The following WSCD2 variants were observed in gnomAD, a reference collection of about 807,000 sequenced individuals.
WSCD2 encodes WSC domain sialate O sulfotransferase 2, also known as sialate:O-sulfotransferase 2.
A neutral mutation model predicts 55.7 loss-of-function variants in WSCD2; 28 were observed. The ratio of observed to expected loss-of-function variants is 0.50; its 90% confidence interval spans 0.37 to 0.69. The LOEUF (loss-of-function observed/expected upper bound fraction) is 0.69. WSCD2 is among the 30% of genes least tolerant of loss of function. The pLI, the probability that WSCD2 is intolerant of heterozygous loss-of-function variation, is 0.00. For missense variants in WSCD2, 616 were observed against 762.1 expected (o/e 0.81, Z 2.26); for synonymous variants, 301 against 301.9 (o/e 1.00, Z 0.03).
At chr12:108,177,613 T>A (rs1397295760) in intron 1 of WSCD2, among the ~76,000 whole-genome samples, 1 of 152,202 alleles carries the variant, frequency 6.6e-6, no homozygotes, top group Non-Finnish European at 1.5e-5. Context: ...TTGTTCAACA[T>A]TGTTCAGCCA....
intron 4 of WSCD2, among the ~76,000 whole-genome samples, chr12:108,220,357 G>A (rs538003713): frequency 6.6e-6 from 1 of 152,206 alleles, no homozygotes; most frequent in Non-Finnish European, 1.5e-5. Flanking sequence ...TGGGTGACCT[G>A]TATCAAGCAG....
intron 1 of WSCD2, among the ~76,000 whole-genome samples, chr12:108,194,294 C>G (rs573738198): frequency 6.6e-6 from 1 of 152,208 alleles, no homozygotes; most frequent in South Asian, 2.1e-4. Context: ...TTTCTCAGAC[C>G]CACACCCGGG....
chr12:108,220,670 C>T (rs1033750585), intron 4 of WSCD2, among the ~76,000 whole-genome samples: 20 of 152,108 alleles, frequency 1.3e-4, no homozygotes, highest in Admixed American at 5.2e-4. Context: ...GCTGGGACTA[C>T]AGTTGTGTGC....
At chr12:108,135,571 C>G (rs1226754190) in intron 1 of WSCD2, among the ~76,000 whole-genome samples, 3 of 152,138 alleles carry the variant, frequency 2.0e-5, no homozygotes, top group Non-Finnish European at 2.9e-5. Flanking sequence ...ACTACCAGAG[C>G]AATGCAGAGA....
chr12:108,243,734 C>T (rs151286404), intron 8 of WSCD2, among the ~76,000 whole-genome samples: 1 of 152,294 alleles, frequency 6.6e-6, no homozygotes, highest in East Asian at 1.9e-4. Flanking sequence ...CAAGATTTCC[C>T]CAGATACTTC....
chr12:108,130,429 G>A (rs1592852357), intron 1 of WSCD2, among the ~76,000 whole-genome samples: 1 of 152,084 alleles, frequency 6.6e-6, no homozygotes, highest in Admixed American at 6.5e-5. Context: ...CCCAGGCAAT[G>A]GGCTTTGTGT....
At chr12:108,216,021 T>C (rs1398423847) in intron 4 of WSCD2, among the ~76,000 whole-genome samples, 1 of 152,180 alleles carries the variant, frequency 6.6e-6, no homozygotes, top group Admixed American at 6.5e-5. Context: ...TTTGCAATCC[T>C]TGGACTCCCA....
rs1203147166 is a variant in WSCD2, at chr12:108,212,611, T to A, written c.682+2306T>A. Among the ~76,000 whole-genome samples, 300 of 110,694 alleles carry A rather than the reference T, an allele frequency of 2.7e-3. 3 individuals are homozygous for A. Among genetic ancestry groups the A allele is most frequent in the African/African-American group, 0.01 (291 of 27,904 alleles). 72.6% of individuals were successfully genotyped at this position (110,694 alleles called of 152,430 possible). A position where few individuals can be genotyped will look rare whatever the true frequency, so the allele number is the denominator to read the frequency against. ...CCATTTCTCTCTCTCTCTCTCTCTCTCTCACACACACACACACACACACAT... is the reference window on the plus strand; with the variant it reads ...CCATTTCTCTCTCTCTCTCTCTCTCACTCACACACACACACACACACACAT... On this transcript the variant is annotated intron_variant, in intron 4 of 8. Coordinates refer to ENST00000547525, the MANE Select transcript of WSCD2 (RefSeq NM_014653.4).
chr12:108,135,666 T>G (rs1452215354), intron 1 of WSCD2, among the ~76,000 whole-genome samples: 2 of 152,228 alleles, frequency 1.3e-5, no homozygotes, highest in Non-Finnish European at 2.9e-5. Flanking sequence ...TTTAGGATAC[T>G]GGACTTTCAG....
At chr12:108,153,330 T>A (rs1878204504) in intron 1 of WSCD2, among the ~76,000 whole-genome samples, 1 of 152,192 alleles carries the variant, frequency 6.6e-6, no homozygotes, top group South Asian at 2.1e-4. Flanking sequence ...GCTCTGTGGA[T>A]CTCTGTAGCC....
At chr12:108,144,249 C>T (rs1176029258) in intron 1 of WSCD2, among the ~76,000 whole-genome samples, 2 of 152,090 alleles carry the variant, frequency 1.3e-5, no homozygotes, top group African/African-American at 2.4e-5. Context: ...AAAGACACAC[C>T]GGCCCATTGT....
intron 1 of WSCD2, among the ~76,000 whole-genome samples, chr12:108,185,593 G>A (rs1051333502): frequency 5.9e-5 from 9 of 152,188 alleles, no homozygotes; most frequent in Non-Finnish European, 1.3e-4. Flanking sequence ...ATTGTGATGC[G>A]CACACACAAC....
At chr12:108,172,876 T>C (rs1592929276) in intron 1 of WSCD2, among the ~76,000 whole-genome samples, 1 of 152,320 alleles carries the variant, frequency 6.6e-6, no homozygotes, top group Middle Eastern at 3.4e-3. Flanking sequence ...TGAAAGTTTG[T>C]GTCCCCCCAG....
chr12:108,198,175 T>G (rs1399310198), intron 2 of WSCD2, among the ~76,000 whole-genome samples: 1 of 151,980 alleles, frequency 6.6e-6, no homozygotes, highest in East Asian at 1.9e-4. Context: ...TACTGGACTG[T>G]CAGCTCCAGG....
In WSCD2 at chr12:108,187,115, T is replaced by C. The variant is rs190021876; in HGVS notation, c.-551-8167T>C. Among the ~76,000 whole-genome samples the C allele has an allele frequency of 9.6e-4, 146 of 152,344 alleles. 1 individual carries two copies. The highest frequency in any genetic ancestry group is 3.2e-3 in the African/African-American group (135 of 41,580). On this transcript the variant is annotated intron_variant, in intron 1 of 8. Coordinates refer to ENST00000547525, the MANE Select transcript of WSCD2 (RefSeq NM_014653.4). ...GTCTCAAATCCCAACTCCATATTTC[T>C]GGGGCCAAGAATGGATTGACCAGTT...
intron 1 of WSCD2, among the ~76,000 whole-genome samples, chr12:108,142,064 A>T (rs1405441005): frequency 2.6e-5 from 4 of 152,240 alleles, no homozygotes; most frequent in African/African-American, 9.6e-5. Flanking sequence ...ATCTGCTTTA[A>T]GTTGCTAAAA....
intron 1 of WSCD2, among the ~76,000 whole-genome samples, chr12:108,172,051 A>G (rs528057335): frequency 6.6e-6 from 1 of 152,340 alleles, no homozygotes; most frequent in African/African-American, 2.4e-5. Context: ...TATGATTTCT[A>G]GGGTTTTTGG....
intron 2 of WSCD2, among the ~76,000 whole-genome samples, chr12:108,200,878 G>T (rs1884582204): frequency 6.6e-6 from 1 of 152,112 alleles, no homozygotes; most frequent in South Asian, 2.1e-4. Flanking sequence ...GCCTAGATAT[G>T]AGCAGGAAAT....
intron 1 of WSCD2, among the ~76,000 whole-genome samples, chr12:108,187,083 T>C (rs561561296): frequency 6.6e-6 from 1 of 152,336 alleles, no homozygotes; most frequent in Admixed American, 6.5e-5. Context: ...TCAGCAAAGA[T>C]GTGAATGTCT....
Sources: gnomAD v4.1 joint callset for allele counts (sites outside exome capture counted in the v4.1 genomes callset) on GRCh38, gnomAD v4.1.1 for gene constraint, MANE v1.5 for transcripts, NCBI Gene and HGNC (gene_info 2026-07-23, HGNC 2026-07-21) for gene names.